STOX2: variants seen among roughly 807,000 people sequenced by gnomAD.
STOX2 encodes storkhead-box protein 2.
STOX2 carries 28 observed loss-of-function variants against 60.9 expected under a neutral mutation model. The ratio of observed to expected loss-of-function variants is 0.46; its 90% CI spans 0.34 to 0.63. The LOEUF (loss-of-function observed/expected upper bound fraction) is 0.63. STOX2 is among the 30% of genes least tolerant of loss of function. STOX2 has a pLI of 0.01. For synonymous variants in STOX2, 472 were observed against 463.9 expected (o/e 1.02, Z -0.22); for missense variants, 1,024 against 1,187.7 (o/e 0.86, Z 2.03).
At chr4:183,828,934 C>T (rs1247476845) in intron 1 of STOX2, among the ~76,000 whole-genome samples, 2 of 152,170 alleles carry the variant, frequency 1.3e-5, no homozygotes. Flanking sequence ...CCTGGTGCTG[C>T]AGACACATGT....
rs1268551702 is a variant in STOX2, at chr4:183,906,847, G to C, written c.57G>C (p.Ser19=). The change falls in exon 1 of 4, where the codon TCG becomes TCC. Residue 19 remains serine (S), a synonymous_variant. Transcript: ENST00000308497. ...LRRAWPSSDF[S]DRASDRMRSR... Reference sequence around the variant, plus strand: ...GAGCCTGGCCTAGCTCGGATTTCTCGGACCGGGCCTCGGACCGCATGAGGT... The same window carrying C: ...GAGCCTGGCCTAGCTCGGATTTCTCCGACCGGGCCTCGGACCGCATGAGGT... 6.4e-7 allele frequency: 1 copy of C among 1,554,198 alleles called. No homozygotes were observed. Among genetic ancestry groups the C allele is most frequent in the East Asian group, 2.4e-5 (1 of 40,818 alleles).
chr4:183,827,506 AAAT>A (rs1739462785), intron 1 of STOX2, among the ~76,000 whole-genome samples: 1 of 148,688 alleles, frequency 6.7e-6, no homozygotes, highest in African/African-American at 2.6e-5. Flanking sequence ...AAGAAAATAA[AAAT>A]AAAAAAACAA....
chr4:183,862,350 A>AT (rs1740468971), intron 1 of STOX2, among the ~76,000 whole-genome samples: 2 of 152,020 alleles, frequency 1.3e-5, no homozygotes. Context: ...TAATTTTTGT[A>AT]TTTTGAGTAG....
chr4:183,832,937 A>G (rs1248013564), intron 1 of STOX2, among the ~76,000 whole-genome samples: 2 of 152,174 alleles, frequency 1.3e-5, no homozygotes, highest in South Asian at 2.1e-4. Context: ...TGCAGACCAA[A>G]CACTACAGAT....
chr4:183,895,783 G>A (rs559568819), intron 1 of STOX2, among the ~76,000 whole-genome samples: 11 of 152,270 alleles, frequency 7.2e-5, no homozygotes, highest in East Asian at 1.9e-4. Flanking sequence ...CTCTTCAGTC[G>A]TACACCGCCA....
chr4:183,838,450 T>C (rs1392258462), intron 1 of STOX2, among the ~76,000 whole-genome samples: 1 of 152,138 alleles, frequency 6.6e-6, no homozygotes, highest in Non-Finnish European at 1.5e-5. Flanking sequence ...ATTTCATTAC[T>C]TTTAGATAGT....
chr4:184,006,718 A>C (rs1479504731), intron 2 of STOX2, among the ~76,000 whole-genome samples: 1 of 150,654 alleles, frequency 6.6e-6, no homozygotes, highest in Non-Finnish European at 1.5e-5. Flanking sequence ...AAAAAGAAAA[A>C]AATTCATTTC....
intron 1 of STOX2, among the ~76,000 whole-genome samples, chr4:183,818,515 A>G (rs1395354002): frequency 6.6e-6 from 1 of 152,238 alleles, no homozygotes; most frequent in Non-Finnish European, 1.5e-5. Flanking sequence ...AGACACAGCA[A>G]CAATCTGATT....
intron 1 of STOX2, among the ~76,000 whole-genome samples, chr4:183,929,319 G>A (rs961693187): frequency 6.6e-6 from 1 of 152,164 alleles, no homozygotes; most frequent in Non-Finnish European, 1.5e-5. Flanking sequence ...TGATTTTGTG[G>A]TGGTATTGGC....
intron 1 of STOX2, among the ~76,000 whole-genome samples, chr4:183,950,282 G>A (rs1345902522): frequency 6.6e-6 from 1 of 152,264 alleles, no homozygotes; most frequent in Non-Finnish European, 1.5e-5. Flanking sequence ...ATTATCCAAG[G>A]ATATCGGGTA....
At position 183,906,895 on chromosome 4, in the gene STOX2, C is replaced by T; in HGVS notation, c.105C>T (p.Arg35=). 3.9e-6 allele frequency: 6 copies of T among 1,550,878 alleles called. No individual in the cohort carries two copies. The highest frequency in any genetic ancestry group is 5.2e-6 in the Non-Finnish European group (6 of 1,146,644). The change falls in exon 1 of 4, where the codon CGC becomes CGT. Residue 35 remains arginine, a synonymous_variant. Coordinates refer to ENST00000308497, the MANE Select transcript of STOX2 (RefSeq NM_020225.3). ...RMRSRSEKDY[R]LHKRFPAAFA... ...GGTCCCGCAGCGAGAAGGACTACCG[C>T]CTGCACAAGCGTTTCCCCGCGGCCT...
intron 1 of STOX2, among the ~76,000 whole-genome samples, chr4:183,994,199 G>T (rs1363196182): frequency 6.6e-6 from 1 of 152,164 alleles, no homozygotes; most frequent in Non-Finnish European, 1.5e-5. Context: ...GAATAGAGTT[G>T]TGTTGTCCCC....
chr4:183,894,499 G>T (rs28435804), intron 1 of STOX2, among the ~76,000 whole-genome samples: 5,003 of 151,374 alleles, frequency 0.033, 245 homozygotes, highest in African/African-American at 0.11. Context: ...CCTGTAATTT[G>T]CTGGAGTTAA....
intron 1 of STOX2, among the ~76,000 whole-genome samples, chr4:183,883,261 T>C (rs1740996244): frequency 6.6e-6 from 1 of 152,098 alleles, no homozygotes; most frequent in Non-Finnish European, 1.5e-5. Flanking sequence ...CCTAAGCAAA[T>C]TAGAAGTAAT....
chr4:183,834,109 A>C (rs1187756740), intron 1 of STOX2, among the ~76,000 whole-genome samples: 1 of 145,778 alleles, frequency 6.9e-6, no homozygotes, highest in Non-Finnish European at 1.5e-5. Context: ...CAGCTTCTCC[A>C]TCTATAGAAT....
chr4:183,941,427 G>A (rs1480720127), intron 1 of STOX2, among the ~76,000 whole-genome samples: 1 of 152,300 alleles, frequency 6.6e-6, no homozygotes, highest in East Asian at 1.9e-4. Flanking sequence ...AATTAGCCAG[G>A]CGTGGTGGTG....
At position 184,011,005 on chromosome 4, in the gene STOX2, C is replaced by G; in HGVS notation, c.2167C>G (p.Leu723Val). 1 of 1,613,422 alleles carries G rather than the reference C, an allele frequency of 6.2e-7. No homozygotes were observed. The highest frequency in any genetic ancestry group is 1.3e-5 in the African/African-American group (1 of 75,056). ...VNSYHKSSLS[L>V]LKSHPKTPAD... ...CAGCTATCACAAGTCGAGCCTGTCC[C>G]TCCTCAAATCTCACCCGAAGACACC... The change falls in exon 3 of 4, where the codon CTC becomes GTC. Residue 723 changes from leucine (L) to valine (V), a missense_variant. Leu to Val is a conservative substitution (Grantham distance 32, BLOSUM62 1). Transcript: ENST00000308497. The surrounding 1 kb of genome is among the most constrained non-coding windows in gnomAD (Gnocchi z 4.4).
Position 184,010,667 on chromosome 4 carries a change from T to C in STOX2, c.1829T>C (p.Val610Ala). ...CAGTGCAACACCTCTAGTGAGACGGTGCTCACGGCACCATCACCTCTGGGA... is the reference window on the plus strand; with the variant it reads ...CAGTGCAACACCTCTAGTGAGACGGCGCTCACGGCACCATCACCTCTGGGA... Reference protein sequence around the residue: ...YFQCNTSSETVLTAPSPLGKN... With the variant: ...YFQCNTSSETALTAPSPLGKN... The change falls in exon 3 of 4, where the codon GTG becomes GCG. Residue 610 changes from valine (V) to alanine (A), a missense_variant. Physicochemically the swap from Val to Ala is moderately conservative, Grantham distance 64. Coordinates refer to ENST00000308497, the MANE Select transcript of STOX2 (RefSeq NM_020225.3). The surrounding 1 kb of genome is among the most constrained non-coding windows in gnomAD (Gnocchi z 4.5). 6.2e-7 allele frequency: 1 copy of C among 1,613,850 alleles called. No homozygotes were observed. The highest frequency in any genetic ancestry group is 8.5e-7 in the Non-Finnish European group (1 of 1,179,830).
chr4:183,966,238 A>C (rs1743563072), intron 1 of STOX2, among the ~76,000 whole-genome samples: 4 of 152,002 alleles, frequency 2.6e-5, no homozygotes. Context: ...GGAAGAGAGG[A>C]GGTGTGGGTG....
Sources: allele counts gnomAD v4.1 joint callset (sites outside exome capture counted in the v4.1 genomes callset), GRCh38; gene constraint gnomAD v4.1.1; non-coding constraint Gnocchi (gnomAD v3.1); transcripts MANE v1.5; gene names NCBI Gene and HGNC (gene_info 2026-07-23, HGNC 2026-07-21).